The following MYO16 variants were observed in gnomAD, a reference collection of about 807,000 sequenced individuals.
The protein encoded by MYO16 is myosin XVI.
A neutral mutation model predicts 205.3 loss-of-function variants in MYO16; 94 were observed. The observed-to-expected ratio is 0.46, with a 90% CI of 0.39 to 0.54. The LOEUF (loss-of-function observed/expected upper bound fraction) is 0.54, where lower values mean the gene tolerates loss of function less well. MYO16 is among the 20% of genes least tolerant of loss of function. The pLI, the probability that MYO16 is intolerant of heterozygous loss-of-function variation, is 0.00. For missense variants in MYO16, 2,315 were observed against 2,387.5 expected (o/e 0.97, Z 0.63); for synonymous variants, 988 against 954.0 (o/e 1.04, Z -0.66).
intron 2 of MYO16, among the ~76,000 whole-genome samples, chr13:108,693,541 A>G (rs921048127): frequency 3.3e-5 from 5 of 152,158 alleles, no homozygotes; most frequent in Non-Finnish European, 7.4e-5. Flanking sequence ...AGGTTCATTC[A>G]TGTTGGAGCC....
At chr13:108,763,482 T>A (rs1885676474) in intron 4 of MYO16, among the ~76,000 whole-genome samples, 1 of 152,150 alleles carries the variant, frequency 6.6e-6, no homozygotes, top group South Asian at 2.1e-4. Context: ...GATTGTGGTG[T>A]TCAGAATGGT....
chr13:108,507,895 A>T, the MYO16 span, among the ~76,000 whole-genome samples: 1 of 150,142 alleles, frequency 6.7e-6, no homozygotes, highest in South Asian at 2.1e-4. Context: ...CAAATTCAGC[A>T]TTTTTTTTTC....
intron 20 of MYO16, among the ~76,000 whole-genome samples, chr13:108,989,043 T>C (rs1186780504): frequency 1.3e-5 from 2 of 152,224 alleles, no homozygotes; most frequent in Non-Finnish European, 2.9e-5. Context: ...TCTACAAAAT[T>C]AGAAAATGCC....
At chr13:109,198,996 A>G (rs1234056217) in intron 34 of MYO16, among the ~76,000 whole-genome samples, 4 of 151,716 alleles carry the variant, frequency 2.6e-5, no homozygotes, top group African/African-American at 9.7e-5. Context: ...AATGAAGTTT[A>G]ATGTCATTCC....
chr13:108,932,370 G>A (rs76625715), intron 16 of MYO16, among the ~76,000 whole-genome samples: 4,439 of 152,200 alleles, frequency 0.029, 226 homozygotes, highest in African/African-American at 0.1. Context: ...ATGTTTTGTG[G>A]TTTGGGGTGT....
chr13:109,094,206 A>T (rs529822515), intron 27 of MYO16, among the ~76,000 whole-genome samples: 2 of 151,894 alleles, frequency 1.3e-5, no homozygotes, highest in Admixed American at 6.6e-5. Flanking sequence ...TATTTGACAC[A>T]CTTCCTTATT....
chr13:108,836,367 A>C (rs1183785709), intron 9 of MYO16, among the ~76,000 whole-genome samples: 1 of 152,216 alleles, frequency 6.6e-6, no homozygotes, highest in East Asian at 1.9e-4. Flanking sequence ...TTCCAGGCAG[A>C]AGTTTGCTGC....
At chr13:108,532,624 T>C in the MYO16 span, among the ~76,000 whole-genome samples, 59 of 148,690 alleles carry the variant, frequency 4.0e-4, no homozygotes, top group Non-Finnish European at 7.0e-4. Flanking sequence ...GAGACCCCCA[T>C]CTCTACACAA....
chr13:108,890,104 A>ATTTTTTTTTTTTTTTTTTTTTTT (rs60627565), intron 14 of MYO16, among the ~76,000 whole-genome samples: 1 of 94,888 alleles, frequency 1.1e-5, no homozygotes, highest in African/African-American at 4.2e-5. Context: ...TAATTTTTGT[A>ATTTTTTTTTTTTTTTTTTTTTTT]TTTTTTTTTT....
At chr13:108,863,503 C>G (rs1337496979) in intron 11 of MYO16, among the ~76,000 whole-genome samples, 1 of 152,062 alleles carries the variant, frequency 6.6e-6, no homozygotes, top group Non-Finnish European at 1.5e-5. Context: ...AATTATTGAT[C>G]TTCAATTAGA....
chr13:108,772,406 G>GC (rs1406022455), intron 4 of MYO16, among the ~76,000 whole-genome samples: 1 of 152,082 alleles, frequency 6.6e-6, no homozygotes, highest in Non-Finnish European at 1.5e-5. Context: ...CTTCCAAAGT[G>GC]CCTGTACCAT....
the MYO16 span, among the ~76,000 whole-genome samples, chr13:108,562,186 C>T: frequency 3.9e-5 from 6 of 152,118 alleles, no homozygotes; most frequent in Non-Finnish European, 8.8e-5. Flanking sequence ...TTCAGGGCTG[C>T]AGCCAACCAC....
At chr13:108,546,061 C>T in the MYO16 span, among the ~76,000 whole-genome samples, 1 of 152,172 alleles carries the variant, frequency 6.6e-6, no homozygotes, top group Non-Finnish European at 1.5e-5. Context: ...TATAGCTGGC[C>T]TGTGCGGCAC....
chr13:109,077,865 ATTCTT>A, intron 27 of MYO16, among the ~76,000 whole-genome samples: 1 of 152,016 alleles, frequency 6.6e-6, no homozygotes, highest in Non-Finnish European at 1.5e-5. Context: ...TATTTTTTCT[ATTCTT>A]TTTTCTATTG....
rs371793651 is a variant in MYO16 at position 108,792,419 on chromosome 13, C to T, written c.617-1097C>T. 2.2e-4 allele frequency among the ~76,000 whole-genome samples: 33 copies of T among 152,140 alleles called. No homozygotes were observed. The East Asian group carries it at 5.0e-3, about 23-fold the overall frequency. On this transcript the variant is annotated intron_variant, in intron 5 of 34. Coordinates refer to ENST00000457511, the MANE Select transcript of MYO16 (RefSeq NM_001198950.3). ...TGTTAACACTCGCATAGCCATGGTA[C>T]ACTTATCAAAACTAAAAAGTTAACA... is the stretch of plus-strand genomic sequence containing the variant.
At chr13:108,795,386 T>A (rs1019493643) in intron 6 of MYO16, among the ~76,000 whole-genome samples, 4 of 152,104 alleles carry the variant, frequency 2.6e-5, no homozygotes, top group African/African-American at 9.7e-5. Flanking sequence ...TTTTTTGTAT[T>A]TTTATTAGAG....
intron 28 of MYO16, chr13:109,101,414 C>G (rs1169186033): frequency 6.5e-6 from 1 of 153,070 alleles, no homozygotes; most frequent in African/African-American, 2.4e-5. Context: ...GCAAAAGCTT[C>G]ATAATTGGAA....
At chr13:108,886,973 T>TA (rs1223372662) in intron 13 of MYO16, among the ~76,000 whole-genome samples, 5 of 152,214 alleles carry the variant, frequency 3.3e-5, no homozygotes, top group African/African-American at 1.2e-4. Flanking sequence ...TGGGCTAAGA[T>TA]ACATGCTTTC....
intron 2 of MYO16, among the ~76,000 whole-genome samples, chr13:108,669,902 A>G (rs995476677): frequency 6.6e-6 from 1 of 152,156 alleles, no homozygotes; most frequent in Admixed American, 6.6e-5. Flanking sequence ...GGAGGGGAAC[A>G]TCACACACTG....
Sources: allele counts gnomAD v4.1 joint callset (sites outside exome capture counted in the v4.1 genomes callset), GRCh38; gene constraint gnomAD v4.1.1; transcripts MANE v1.5; gene names NCBI Gene and HGNC (gene_info 2026-07-23, HGNC 2026-07-21).